Variants in FOXP1 observed in about 807,000 individuals in gnomAD.
FOXP1 encodes the protein forkhead box protein P1.
In FOXP1, 15 loss-of-function variants were observed where a neutral mutation model predicts 98.2. That is an observed-to-expected ratio of 0.15 (90% CI 0.10 to 0.24). The LOEUF (loss-of-function observed/expected upper bound fraction) is 0.24. Ranked by LOEUF, FOXP1 falls within the 10% of genes least tolerant of loss-of-function variation. The pLI, the probability that FOXP1 is intolerant of heterozygous loss-of-function variation, is 1.00. For missense variants in FOXP1, 633 were observed against 848.5 expected (o/e 0.75, Z 3.15); for synonymous variants, 371 against 314.5 (o/e 1.18, Z -1.90).
chr3:71,077,898 T>C (rs928009872), intron 7 of FOXP1, among the ~76,000 whole-genome samples: 1 of 151,886 alleles, frequency 6.6e-6, no homozygotes, highest in African/African-American at 2.4e-5. Context: ...AATGGCGTGA[T>C]CTCGGCTCAC....
At chr3:70,986,419 G>A (rs1260702080) in intron 14 of FOXP1, among the ~76,000 whole-genome samples, 1 of 152,204 alleles carries the variant, frequency 6.6e-6, no homozygotes, top group Admixed American at 6.5e-5. Context: ...TTAATCCGTG[G>A]AGGAAGACAG....
chr3:71,240,059 G>A (rs1020189928), intron 5 of FOXP1, among the ~76,000 whole-genome samples: 4 of 152,228 alleles, frequency 2.6e-5, no homozygotes, highest in East Asian at 1.9e-4. Context: ...GACTTTCACA[G>A]TCCCAAGAAA....
At position 71,020,087 on chromosome 3, in the gene FOXP1, A is replaced by G. The variant is rs564213692; in HGVS notation, c.870-4434T>C. On this transcript the variant is annotated intron_variant, in intron 11 of 20. Transcript: ENST00000649528. ...TATTTAATTTTATTCTGAATATATA[A>G]AACACAGATAGTATGCATTTGAGAA... is the stretch of plus-strand genomic sequence containing the variant. 3.3e-5 allele frequency among the ~76,000 whole-genome samples: 5 copies of G among 152,338 alleles called. No individual in the cohort carries two copies. The South Asian group carries it at 1.0e-3, about 32-fold the overall frequency.
intron 5 of FOXP1, among the ~76,000 whole-genome samples, chr3:71,231,699 C>T (rs928455732): frequency 3.3e-5 from 5 of 152,106 alleles, no homozygotes; most frequent in Non-Finnish European, 5.9e-5. Context: ...GTTAAAATAA[C>T]GATGAAAGAT....
At chr3:71,227,984 T>C (rs2686275) in intron 5 of FOXP1, among the ~76,000 whole-genome samples, 23,568 of 126,176 alleles carry the variant, frequency 0.19, 1,960 homozygotes, top group Middle Eastern at 0.23. Flanking sequence ...ATTCCAAGAA[T>C]GTGGTGGAAT....
chr3:71,468,721 C>G (rs878946740), intron 3 of FOXP1, among the ~76,000 whole-genome samples: 1 of 152,152 alleles, frequency 6.6e-6, no homozygotes, highest in Admixed American at 6.5e-5. Context: ...CCCCTGGGGC[C>G]TGGACAAGTC....
intron 17 of FOXP1, among the ~76,000 whole-genome samples, 160 bp downstream of exon 17, chr3:70,976,781 T>C (rs907338891): frequency 6.6e-5 from 10 of 152,218 alleles, no homozygotes; most frequent in African/African-American, 2.4e-4. Flanking sequence ...TCAACCACAA[T>C]GGCACTATTT....
At chr3:71,187,412 C>T (rs1322222528) in intron 6 of FOXP1, among the ~76,000 whole-genome samples, 1 of 151,952 alleles carries the variant, frequency 6.6e-6, no homozygotes, top group African/African-American at 2.4e-5. Context: ...ATGGTGAAAC[C>T]CTGTCTCTAC....
intron 7 of FOXP1, among the ~76,000 whole-genome samples, chr3:71,072,700 A>G (rs2053393589): frequency 6.6e-6 from 1 of 152,166 alleles, no homozygotes; most frequent in South Asian, 2.1e-4. Flanking sequence ...TATTTCAACC[A>G]TGCCTGCTTT....
chr3:71,211,270 A>C (rs1428248233), intron 5 of FOXP1, among the ~76,000 whole-genome samples: 3 of 152,030 alleles, frequency 2.0e-5, no homozygotes. Context: ...GCAGTGGCGC[A>C]ATCTTGGCTC....
intron 7 of FOXP1, among the ~76,000 whole-genome samples, chr3:71,088,575 C>A (rs544003476): frequency 6.6e-6 from 1 of 151,964 alleles, no homozygotes; most frequent in Non-Finnish European, 1.5e-5. Context: ...ATTTGAGTTG[C>A]GTAAAGGATC....
intron 5 of FOXP1, among the ~76,000 whole-genome samples, chr3:71,210,609 C>G (rs2064380603): frequency 1.3e-5 from 2 of 152,214 alleles, no homozygotes; most frequent in Non-Finnish European, 2.9e-5. Context: ...ATTGATGATG[C>G]AAGTCCGGCT....
At chr3:71,407,923 T>C (rs976259940) in intron 3 of FOXP1, among the ~76,000 whole-genome samples, 10 of 152,226 alleles carry the variant, frequency 6.6e-5, no homozygotes, top group African/African-American at 2.4e-4. Context: ...CCCAGCAGCC[T>C]GTGTACGTCC....
intron 2 of FOXP1, among the ~76,000 whole-genome samples, chr3:71,522,174 G>A (rs561344172): frequency 2.6e-4 from 40 of 152,296 alleles, no homozygotes; most frequent in African/African-American, 9.4e-4. Context: ...CAAAAACACT[G>A]AGCTCCCTGT....
chr3:71,031,051 G>A (rs2046802785), intron 11 of FOXP1, among the ~76,000 whole-genome samples: 1 of 152,130 alleles, frequency 6.6e-6, no homozygotes, highest in South Asian at 2.1e-4. Context: ...GTATGACCCA[G>A]AATTCCACTG....
intron 7 of FOXP1, among the ~76,000 whole-genome samples, chr3:71,090,039 A>G (rs2055621133): frequency 6.6e-6 from 1 of 152,156 alleles, no homozygotes; most frequent in Middle Eastern, 3.2e-3. Context: ...GATTTTTTAA[A>G]TCTTTGCAAA....
intron 7 of FOXP1, 42 bp from the exon 8 acceptor site, chr3:71,053,815 G>A (rs1380796740): frequency 6.2e-7 from 1 of 1,612,676 alleles, no homozygotes; most frequent in African/African-American, 1.3e-5. Context: ...CAGGAAATCA[G>A]AAGCACGCAG....
intron 16 of FOXP1, 109 bp downstream of exon 16, chr3:70,977,534 G>A: frequency 1.1e-6 from 1 of 896,676 alleles, no homozygotes; most frequent in Non-Finnish European, 1.8e-6. Flanking sequence ...TATAGAAAAG[G>A]TTTCAGCATG....
At chr3:71,373,392 A>G (rs1397734344) in intron 3 of FOXP1, among the ~76,000 whole-genome samples, 1 of 152,206 alleles carries the variant, frequency 6.6e-6, no homozygotes, top group African/African-American at 2.4e-5. Flanking sequence ...AGTACACTGG[A>G]GAGGAAACCA....
Sources: allele counts gnomAD v4.1 joint callset (sites outside exome capture counted in the v4.1 genomes callset), GRCh38; gene constraint gnomAD v4.1.1; transcripts MANE v1.5; gene names NCBI Gene and HGNC (gene_info 2026-07-23, HGNC 2026-07-21).